Variants in ITGBL1 observed in about 807,000 individuals in gnomAD.
ITGBL1 encodes integrin subunit beta like 1.
ITGBL1 carries 51 observed loss-of-function variants against 68.5 expected under a neutral mutation model. The ratio of observed to expected loss-of-function variants is 0.74; its 90% confidence interval spans 0.59 to 0.94. The LOEUF (loss-of-function observed/expected upper bound fraction) is 0.94, where lower values mean the gene tolerates loss of function less well. Ranked by LOEUF, ITGBL1 falls within the 40% of genes least tolerant of loss-of-function variation. The pLI, the probability that ITGBL1 is intolerant of heterozygous loss-of-function variation, is 0.00. For missense variants in ITGBL1, 649 were observed against 647.4 expected, an observed-to-expected ratio of 1.00 and a Z score of -0.03; for synonymous variants, 209 against 227.3, an observed-to-expected ratio of 0.92 and a Z score of 0.72.
intron 7 of ITGBL1, among the ~76,000 whole-genome samples, chr13:101,665,190 G>A (rs2033185562): frequency 6.6e-6 from 1 of 151,992 alleles, no homozygotes; most frequent in Admixed American, 6.6e-5. Flanking sequence ...TTCTTAACAT[G>A]AAAACTGTTG....
At chr13:101,613,225 G>A (rs1203402108) in intron 7 of ITGBL1, among the ~76,000 whole-genome samples, 1 of 152,178 alleles carries the variant, frequency 6.6e-6, no homozygotes, top group African/African-American at 2.4e-5. Context: ...GGGCTTACAA[G>A]GTTTTAAGTA....
At chr13:101,557,778 C>T (rs866337815) in intron 2 of ITGBL1, among the ~76,000 whole-genome samples, 2 of 152,024 alleles carry the variant, frequency 1.3e-5, no homozygotes, top group Admixed American at 1.3e-4. Flanking sequence ...CCGATGCTAA[C>T]AGACACTCTT....
chr13:101,536,838 T>A (rs1291122201), intron 2 of ITGBL1, among the ~76,000 whole-genome samples: 1 of 152,006 alleles, frequency 6.6e-6, no homozygotes, highest in Non-Finnish European at 1.5e-5. Context: ...TAATAATTAT[T>A]TCCAGAAAAT....
intron 2 of ITGBL1, among the ~76,000 whole-genome samples, chr13:101,527,127 C>G (rs1303188817): frequency 2.0e-5 from 3 of 151,906 alleles, no homozygotes; most frequent in African/African-American, 7.3e-5. Flanking sequence ...CAATGAATCG[C>G]ACCCATTTAA....
At chr13:101,603,291 A>G (rs934152525) in intron 7 of ITGBL1, among the ~76,000 whole-genome samples, 2 of 152,002 alleles carry the variant, frequency 1.3e-5, no homozygotes, top group African/African-American at 4.8e-5. Flanking sequence ...AAAACTCCAG[A>G]AAGTGTCTCA....
intron 7 of ITGBL1, among the ~76,000 whole-genome samples, chr13:101,602,659 C>T (rs2030456500): frequency 6.6e-6 from 1 of 151,886 alleles, no homozygotes. Context: ...GCAGCCATCA[C>T]CACTGTCCAA....
At chr13:101,714,656 G>A (rs1026577488) in intron 10 of ITGBL1, 105 bp downstream of exon 10, 71 of 720,182 alleles carry the variant, frequency 9.9e-5, no homozygotes, top group African/African-American at 6.0e-4. Flanking sequence ...AGGGCCAACC[G>A]TGAATATGAA....
At chr13:101,668,905 T>G (rs1295964604) in intron 7 of ITGBL1, among the ~76,000 whole-genome samples, 1 of 152,166 alleles carries the variant, frequency 6.6e-6, no homozygotes, top group Non-Finnish European at 1.5e-5. Flanking sequence ...ATATCATGTT[T>G]CACATTAAAA....
chr13:101,643,816 TA>T (rs1566772267), intron 7 of ITGBL1, among the ~76,000 whole-genome samples: 1 of 152,130 alleles, frequency 6.6e-6, no homozygotes, highest in Non-Finnish European at 1.5e-5. Context: ...AATAAGTTCT[TA>T]TAAATAAGTG....
intron 8 of ITGBL1, among the ~76,000 whole-genome samples, chr13:101,704,881 C>G (rs2034220592): frequency 6.6e-6 from 1 of 152,086 alleles, no homozygotes. Flanking sequence ...GCATGTAAAT[C>G]AAGCTAGGTG....
At chr13:101,471,694 C>T (rs1041833623) in intron 2 of ITGBL1, among the ~76,000 whole-genome samples, 1 of 152,088 alleles carries the variant, frequency 6.6e-6, no homozygotes, top group Non-Finnish European at 1.5e-5. Context: ...GCTACGTTTT[C>T]GGTATTGTGG....
At chr13:101,720,795 G>A (rs1392321397), downstream of ITGBL1, 2 of 152,008 alleles carry the variant, frequency 1.3e-5, no homozygotes, top group East Asian at 1.9e-4. Flanking sequence ...ATGACCAAAG[G>A]AATCATTTTG....
At chr13:101,707,400 A>G (rs749743731) in intron 9 of ITGBL1, among the ~76,000 whole-genome samples, 5 of 152,152 alleles carry the variant, frequency 3.3e-5, no homozygotes, top group Non-Finnish European at 5.9e-5. Flanking sequence ...AAAAGGAGAC[A>G]AAATATTTAA....
chr13:101,700,949 G>A (rs115176749), intron 8 of ITGBL1, among the ~76,000 whole-genome samples: 114 of 152,148 alleles, frequency 7.5e-4, no homozygotes, highest in Middle Eastern at 3.4e-3. Context: ...GTTGCTTATC[G>A]TTATTTTCTT....
At chr13:101,599,424 G>A (rs2030209471) in intron 7 of ITGBL1, among the ~76,000 whole-genome samples, 1 of 150,378 alleles carries the variant, frequency 6.6e-6, no homozygotes, top group Non-Finnish European at 1.5e-5. Flanking sequence ...TTGCTGTGCA[G>A]AAGCTCTTTA....
At chr13:101,552,567 C>A (rs562118634) in intron 2 of ITGBL1, among the ~76,000 whole-genome samples, 4 of 152,116 alleles carry the variant, frequency 2.6e-5, no homozygotes, top group African/African-American at 9.7e-5. Context: ...AGAATAATTT[C>A]CTTGTTTTAA....
chr13:101,689,766 G>A (rs1268728146), intron 7 of ITGBL1, among the ~76,000 whole-genome samples: 1 of 152,162 alleles, frequency 6.6e-6, no homozygotes, highest in Admixed American at 6.5e-5. Flanking sequence ...TGGGAGACAT[G>A]AGATGTTTTG....
intron 7 of ITGBL1, among the ~76,000 whole-genome samples, chr13:101,601,939 G>T (rs1025071449): frequency 6.6e-6 from 1 of 151,840 alleles, no homozygotes; most frequent in Non-Finnish European, 1.5e-5. Flanking sequence ...CTGAATGAGG[G>T]GCTATTAGTC....
chr13:101,651,732 T>A lies in ITGBL1; in HGVS notation c.1016-40853T>A, dbSNP rs187843783. 1.4e-3 allele frequency among the ~76,000 whole-genome samples: 209 copies of A among 151,744 alleles called. 2 individuals are homozygous for A. Among genetic ancestry groups the A allele is most frequent in the African/African-American group, 4.6e-3 (190 of 41,364 alleles). On this transcript the variant is annotated intron_variant, in intron 7 of 10. Transcript: ENST00000376180. ...GCAATTGCTTTTGACGTTTTCATCA[T>A]GAAATTTTTGCCCGGGTCTATGTCC...
Sources: gnomAD v4.1 joint callset for allele counts (sites outside exome capture counted in the v4.1 genomes callset) on GRCh38, gnomAD v4.1.1 for gene constraint, MANE v1.5 for transcripts, NCBI Gene and HGNC (gene_info 2026-07-23, HGNC 2026-07-21) for gene names.